The following ALDH4A1 variants were observed in gnomAD, a reference collection of about 807,000 sequenced individuals.
ALDH4A1 encodes delta-1-pyrroline-5-carboxylate dehydrogenase, mitochondrial.
In ALDH4A1, 46 loss-of-function variants were observed where a neutral mutation model predicts 70.5. The ratio of observed to expected loss-of-function variants is 0.65; its 90% CI spans 0.51 to 0.83. The LOEUF (loss-of-function observed/expected upper bound fraction) is 0.83. Among genes scored for constraint, ALDH4A1 ranks in the 40% least tolerant of loss-of-function variants. ALDH4A1 has a pLI of 0.00. For synonymous variants in ALDH4A1, 323 were observed against 324.3 expected (o/e 1.00, Z 0.04); for missense variants, 749 against 766.5 (o/e 0.98, Z 0.27).
chr1:18,874,643 G>T, intron 13 of ALDH4A1, 62 bp from the exon 14 acceptor site: 1 of 1,512,264 alleles, frequency 6.6e-7, no homozygotes, highest in Non-Finnish European at 9.2e-7. Flanking sequence ...CCCAGCTCCA[G>T]CCTCAACACC....
At position 18,898,869 on chromosome 1, in the gene ALDH4A1, T is replaced by C. The variant is rs1242038410; in HGVS notation, c.62+3593A>G. ...GCCAAGCACTGCCTCAATGGCGCTT[T>C]CACTACTTTAGAAGTGTGATGATAA... On this transcript the variant is annotated intron_variant, in intron 1 of 14. Transcript: ENST00000375341. The surrounding 1 kb of genome is among the most constrained non-coding windows in gnomAD (Gnocchi z 4.3). Among the ~76,000 whole-genome samples, 2 of 152,242 alleles carry C rather than the reference T, an allele frequency of 1.3e-5. No individual in the cohort carries two copies. Among genetic ancestry groups the C allele is most frequent in the Non-Finnish European group, 2.9e-5 (2 of 68,046 alleles).
At chr1:18,897,144 C>T (rs1193560498) in intron 1 of ALDH4A1, 7 of 506,928 alleles carry the variant, frequency 1.4e-5, no homozygotes, top group South Asian at 2.9e-5. Flanking sequence ...GTCAACGTGA[C>T]GCTCAAAGGA....
Position 18,874,448 on chromosome 1 carries a change from G to T in ALDH4A1, c.1579+15C>A. The T allele has an allele frequency of 6.2e-7, 1 of 1,611,834 alleles. No homozygotes were observed. Reference sequence around the variant, plus strand: ...CAGGAACTCAGCTCCCCTGTGGGAAGGGGGACCCACTCACCAGAGGCTCGG... The same window carrying T: ...CAGGAACTCAGCTCCCCTGTGGGAATGGGGACCCACTCACCAGAGGCTCGG... On this transcript the variant is annotated intron_variant, in intron 14 of 14. Transcript: ENST00000375341.
At chr1:18,883,037 C>T (rs920100962) in intron 7 of ALDH4A1, 87 bp downstream of exon 7, 5 of 1,569,342 alleles carry the variant, frequency 3.2e-6, no homozygotes, top group Non-Finnish European at 3.5e-6. Flanking sequence ...TAGGCTGAGA[C>T]CCAAGGGGCT....
intron 1 of ALDH4A1, among the ~76,000 whole-genome samples, chr1:18,895,397 GGGCTACAAA>G (rs1935583504): frequency 6.6e-6 from 1 of 152,136 alleles, no homozygotes; most frequent in Non-Finnish European, 1.5e-5. Context: ...GAAGTTGTCA[GGGCTACAAA>G]TGCTGGGATC....
intron 8 of ALDH4A1, among the ~76,000 whole-genome samples, chr1:18,879,858 G>GGGA (rs1338022954): frequency 6.6e-6 from 1 of 152,156 alleles, no homozygotes; most frequent in Non-Finnish European, 1.5e-5. Context: ...TCCTGGGAGA[G>GGGA]GGAGCTCAGG....
At position 18,881,686 on chromosome 1, in the gene ALDH4A1, C is replaced by T. The variant is rs755385698; in HGVS notation, c.866+14G>A. 1 of 1,613,762 alleles carries T rather than the reference C, an allele frequency of 6.2e-7. No homozygotes were observed. The highest frequency in any genetic ancestry group is 8.5e-7 in the Non-Finnish European group (1 of 1,179,962). On this transcript the variant is annotated intron_variant, in intron 8 of 14. Coordinates refer to ENST00000375341, the MANE Select transcript of ALDH4A1 (RefSeq NM_003748.4). ...CCCTAGCCACCACAGCCTACACCATCCCCAGGGACTTACGGCACACTGCCT... is the reference window on the plus strand; with the variant it reads ...CCCTAGCCACCACAGCCTACACCATTCCCAGGGACTTACGGCACACTGCCT...
chr1:18,894,976 C>T (rs567063743), intron 1 of ALDH4A1, among the ~76,000 whole-genome samples: 3 of 151,170 alleles, frequency 2.0e-5, no homozygotes, highest in African/African-American at 7.3e-5. Flanking sequence ...GACTTGGGGC[C>T]TCTCTGAGGA....
chr1:18,890,370 C>T (rs1158807555), intron 1 of ALDH4A1, among the ~76,000 whole-genome samples: 5 of 152,160 alleles, frequency 3.3e-5, no homozygotes, highest in South Asian at 2.1e-4. Flanking sequence ...GGTGAAATCC[C>T]GTCTCTACTA....
chr1:18,877,583 G>T lies in ALDH4A1; in HGVS notation c.970C>A (p.His324Asn). The T allele has an allele frequency of 6.3e-7, 1 of 1,587,908 alleles. No individual in the cohort carries two copies. The highest frequency in any genetic ancestry group is 8.6e-7 in the Non-Finnish European group (1 of 1,165,452). The change falls in exon 10 of 15, where the codon CAC becomes AAC. Residue 324 changes from histidine (H) to asparagine (N), a missense_variant. By Grantham distance (68) the His-to-Asn change is moderately conservative (BLOSUM62 1). Coordinates refer to ENST00000375341, the MANE Select transcript of ALDH4A1 (RefSeq NM_003748.4). ...ECGGKNFHFV[H>N]RSADVESVVS... ...ACGCTCTCCACGTCGGCCGAGCGGT[G>T]CACGAAGTGGAAGTTCTTTCCGCCG...
At chr1:18,882,746 T>A (rs1935032669) in intron 7 of ALDH4A1, 1 of 573,278 alleles carries the variant, frequency 1.7e-6, no homozygotes, top group South Asian at 1.4e-5. Context: ...GCACTGAAGG[T>A]CAGCGGTAAT....
At chr1:18,873,067 G>C (rs1221921572) in intron 14 of ALDH4A1, 110 bp from the exon 15 acceptor site, 2 of 946,384 alleles carry the variant, frequency 2.1e-6, no homozygotes, top group East Asian at 5.2e-5. Context: ...GGCCAGCAGC[G>C]AGCCTGCTGC....
chr1:18,887,902 C>T (rs1935280150), intron 3 of ALDH4A1, among the ~76,000 whole-genome samples: 1 of 152,234 alleles, frequency 6.6e-6, no homozygotes, highest in South Asian at 2.1e-4. Flanking sequence ...CCCCTGTCTT[C>T]CCTTCAAAAC....
chr1:18,900,867 G>T (rs1935775387), intron 1 of ALDH4A1: 2 of 985,170 alleles, frequency 2.0e-6, no homozygotes, highest in African/African-American at 3.5e-5. Flanking sequence ...GAATGAGACA[G>T]TACTTACCGG....
Position 18,877,507 on chromosome 1 carries a change from G to A in ALDH4A1, c.1046C>T (p.Ser349Phe). The A allele has an allele frequency of 1.2e-6, 2 of 1,610,146 alleles. No homozygotes were observed. Among genetic ancestry groups the A allele is most frequent in the South Asian group, 1.1e-5 (1 of 90,448 alleles). Residue 349 changes from serine to phenylalanine, a missense_variant, in exon 10 of 15, where the codon TCC (serine) becomes TTC (phenylalanine). Ser to Phe is a radical substitution (Grantham distance 155). Transcript: ENST00000375341. ...CGGCACGTAGAGACGCGAGCACGCG[G>A]AACACTTCTGGCCACCGTACTCGAA... The part of the protein sequence containing the change: ...SAFEYGGQKC[S>F]ACSRLYVPHS...
At chr1:18,885,877 T>C (rs1001404588) in intron 4 of ALDH4A1, among the ~76,000 whole-genome samples, 9 of 152,106 alleles carry the variant, frequency 5.9e-5, no homozygotes, top group Admixed American at 2.0e-4. Context: ...TGGCACTGAG[T>C]CCCGCAGCTG....
intron 3 of ALDH4A1, 47 bp downstream of exon 3, chr1:18,889,310 GAGGTC>G: frequency 6.8e-7 from 1 of 1,475,032 alleles, no homozygotes; most frequent in Non-Finnish European, 9.3e-7. Flanking sequence ...GTCAGAGAAA[GAGGTC>G]ACATATTCAG....
rs141521728 is a variant in ALDH4A1 at position 18,890,371 on chromosome 1, G to A, written c.63-266C>T. ...AGCCTGGCCAACACGGTGAAATCCC[G>A]TCTCTACTAAAAATATTTTAAACGT... On this transcript the variant is annotated intron_variant, in intron 1 of 14. Coordinates refer to ENST00000375341, the MANE Select transcript of ALDH4A1 (RefSeq NM_003748.4). Among the ~76,000 whole-genome samples, 845 of 152,284 alleles carry A rather than the reference G, an allele frequency of 5.5e-3. 14 individuals carry two copies. Among genetic ancestry groups the A allele is most frequent in the South Asian group, 0.045 (218 of 4,820 alleles).
At chr1:18,887,924 C>T (rs547645687) in intron 3 of ALDH4A1, among the ~76,000 whole-genome samples, 1 of 152,344 alleles carries the variant, frequency 6.6e-6, no homozygotes, top group South Asian at 2.1e-4. Flanking sequence ...TAATGCCCGG[C>T]AGTGGTGAAC....
Sources: gnomAD v4.1 joint callset for allele counts (sites outside exome capture counted in the v4.1 genomes callset) on GRCh38, gnomAD v4.1.1 for gene constraint, Gnocchi (gnomAD v3.1) non-coding constraint, MANE v1.5 for transcripts, NCBI Gene and HGNC (gene_info 2026-07-23, HGNC 2026-07-21) for gene names.